Variants in TUBAL3 observed in about 807,000 individuals in gnomAD.
TUBAL3 encodes the protein tubulin alpha chain-like 3.
Under a neutral mutation model 15.5 loss-of-function variants are expected in TUBAL3, and 16 were observed. That is an observed-to-expected ratio of 1.04 (90% CI 0.70 to 1.57). TUBAL3 has a LOEUF of 1.57. TUBAL3 is among the 40% of genes most tolerant of loss of function. The pLI, the probability that TUBAL3 is intolerant of heterozygous loss-of-function variation, is 0.00. For synonymous variants in TUBAL3, 238 were observed against 224.3 expected (o/e 1.06, Z -0.55); for missense variants, 609 against 576.2 (o/e 1.06, Z -0.58).
At chr10:5,403,971 G>C (rs782677733) in intron 1 of TUBAL3, among the ~76,000 whole-genome samples, 1 of 152,208 alleles carries the variant, frequency 6.6e-6, no homozygotes, top group Admixed American at 6.5e-5. Flanking sequence ...CCTTGCATCC[G>C]TTACCCATTT....
chr10:5,399,895 C>G (rs1831824123), intron 2 of TUBAL3, among the ~76,000 whole-genome samples: 1 of 152,214 alleles, frequency 6.6e-6, no homozygotes, highest in South Asian at 2.1e-4. Context: ...GATTCATGAA[C>G]AAACCAGCAA....
rs1831752182 is a variant in TUBAL3 at position 5,395,562 on chromosome 10, A to G, written c.248-87T>C. 3 of 1,299,110 alleles carry G rather than the reference A, an allele frequency of 2.3e-6. No individual in the cohort carries two copies. The highest frequency in any genetic ancestry group is 2.8e-5 in the East Asian group (1 of 35,932). 80.5% of individuals were successfully genotyped at this position (1,299,110 alleles called of 1,614,324 possible). A position where few individuals can be genotyped will look rare whatever the true frequency, so the allele number is the denominator to read the frequency against. On this transcript the variant is annotated intron_variant, in intron 2 of 3. Coordinates refer to ENST00000380419, the MANE Select transcript of TUBAL3 (RefSeq NM_024803.3). This position sits in a 1 kb window ranked among gnomAD's most constrained non-coding sequence, Gnocchi z 4.6. ...GCTAGTCCTCCTGGAGCCTCCCCGT[A>G]CTTGACTCCCATGCTTTCTCTCAAT...
At position 5,395,201 on chromosome 10, in the gene TUBAL3, C is replaced by T; in HGVS notation, c.396+126G>A. 2.8e-6 allele frequency: 3 copies of T among 1,076,200 alleles called. No homozygotes were observed. In the South Asian group the frequency reaches 7.0e-5, roughly 25 times the overall value. The allele number at this position is 1,076,200 out of a possible 1,614,324, so 66.7% of individuals were successfully genotyped here. A position where few individuals can be genotyped will look rare whatever the true frequency, so the allele number is the denominator to read the frequency against. ...AGAACCCCTCCCCAGTTCTGAGCAC[C>T]CAGACCAGAGCCCAGGGAGAGACGG... On this transcript the variant is annotated intron_variant, in intron 3 of 3. Transcript: ENST00000380419. This position sits in a 1 kb window ranked among gnomAD's most constrained non-coding sequence, Gnocchi z 4.6.
chr10:5,393,621 G>T lies in TUBAL3; in HGVS notation c.1237C>A (p.His413Asn). ...DLMYAKRAFL[H>N]WYLREGMEEA... Reference sequence around the variant, plus strand: ...TCCATGCCTTCTCTGAGGTACCAGTGCAGAAATGCTCTCTTGGCGTACATG... The same window carrying T: ...TCCATGCCTTCTCTGAGGTACCAGTTCAGAAATGCTCTCTTGGCGTACATG... The change falls in exon 4 of 4, where the codon CAC becomes AAC. Residue 413 changes from histidine to asparagine, a missense_variant. His to Asn is a moderately conservative substitution (Grantham distance 68). Coordinates refer to ENST00000380419, the MANE Select transcript of TUBAL3 (RefSeq NM_024803.3). 2 of 1,614,180 alleles carry T rather than the reference G, an allele frequency of 1.2e-6. No homozygotes were observed. Among genetic ancestry groups the T allele is most frequent in the Middle Eastern group, 1.6e-4 (1 of 6,062 alleles).
At chr10:5,398,950 G>T (rs1161165909) in intron 2 of TUBAL3, among the ~76,000 whole-genome samples, 2 of 151,966 alleles carry the variant, frequency 1.3e-5, no homozygotes, top group East Asian at 1.9e-4. Context: ...TCATATACTG[G>T]CAATTTTATA....
chr10:5,393,718 C>T lies in TUBAL3; in HGVS notation c.1140G>A (p.Arg380=), dbSNP rs781840658. The T allele has an allele frequency of 1.2e-6, 2 of 1,614,212 alleles. No individual in the cohort carries two copies. Among genetic ancestry groups the T allele is most frequent in the Non-Finnish European group, 8.5e-7 (1 of 1,180,042 alleles). ...MPGGDLAKVH[R]SICMLSNTTA... ...TGGTGTTGCTCAGCATGCAGATGGA[C>T]CGGTGGACTTTGGCCAGGTCCCCAC... The change falls in exon 4 of 4, where the codon CGG becomes CGA. Residue 380 remains arginine, a synonymous_variant. Coordinates refer to ENST00000380419, the MANE Select transcript of TUBAL3 (RefSeq NM_024803.3).
chr10:5,394,015 G>A lies in TUBAL3; in HGVS notation c.843C>T (p.Pro281=). The A allele has an allele frequency of 6.2e-7, 1 of 1,614,168 alleles. No individual in the cohort carries two copies. The highest frequency in any genetic ancestry group is 1.3e-5 in the African/African-American group (1 of 75,032). Residue 281 remains proline (P), a synonymous_variant, in exon 4 of 4, where the codon CCC becomes CCT. Transcript: ENST00000380419. This position sits in a 1 kb window ranked among gnomAD's most constrained non-coding sequence, Gnocchi z 4.3. ...RIHFPMTAFA[P]IVSADKAYHE... is the part of the protein sequence containing the mutation. ...GGTAGGCTTTGTCAGCAGAGACGAT[G>A]GGGGCGAAGGCTGTCATGGGGAAAT...
At chr10:5,400,255 C>T (rs1390969214) in intron 2 of TUBAL3, among the ~76,000 whole-genome samples, 5 of 152,160 alleles carry the variant, frequency 3.3e-5, no homozygotes, top group African/African-American at 4.8e-5. Context: ...GGCTCTCAAA[C>T]CCAGGAAAAG....
Position 5,393,940 on chromosome 10 carries a change from G to A in TUBAL3, c.918C>T (p.Ser306=), listed in dbSNP as rs782444674. The A allele has an allele frequency of 3.7e-6, 6 of 1,614,218 alleles. No individual in the cohort carries two copies. In the South Asian group the frequency reaches 5.5e-5, roughly 15 times the overall value. The change falls in exon 4 of 4, where the codon TCC becomes TCT. Residue 306 remains serine (S), a synonymous_variant. Coordinates refer to ENST00000380419, the MANE Select transcript of TUBAL3 (RefSeq NM_024803.3). ...SDITTACFES[S]NQLVKCDPRL... ...GAGGATCACACTTGACCAGCTGGTT[G>A]GAGGACTCAAAGCAGGCAGTGGTGA...
At position 5,394,151 on chromosome 10, in the gene TUBAL3, C is replaced by CTAT; in HGVS notation, c.704_706dup (p.Asn235dup). The CTAT allele has an allele frequency of 6.2e-7, 1 of 1,614,236 alleles. No individual in the cohort carries two copies. Among genetic ancestry groups the CTAT allele is most frequent in the East Asian group, 2.2e-5 (1 of 44,892 alleles). ...GGAAGATACCACCTGAACCACCAATCTATTGATGCTGGCATGAGAGGGGCA... is the reference window on the plus strand; with the variant it reads ...GGAAGATACCACCTGAACCACCAATCTATTATTGATGCTGGCATGAGAGGGGCA... On this transcript the variant is annotated inframe_insertion, in exon 4 of 4. Coordinates refer to ENST00000380419, the MANE Select transcript of TUBAL3 (RefSeq NM_024803.3). The surrounding 1 kb of genome is among the most constrained non-coding windows in gnomAD (Gnocchi z 4.3).
chr10:5,395,886 A>G lies in TUBAL3; in HGVS notation c.248-411T>C, dbSNP rs1269801050. ...CTCTCCTGGCACCGGGTGACTTACA[A>G]TTCTTAGCTCTCCTTGGCTTCTAGC... On this transcript the variant is annotated intron_variant, in intron 2 of 3. Coordinates refer to ENST00000380419, the MANE Select transcript of TUBAL3 (RefSeq NM_024803.3). This position sits in a 1 kb window ranked among gnomAD's most constrained non-coding sequence, Gnocchi z 4.6. Among the ~76,000 whole-genome samples, 2 of 151,950 alleles carry G rather than the reference A, an allele frequency of 1.3e-5. No individual in the cohort carries two copies. The highest frequency in any genetic ancestry group is 6.6e-5 in the Admixed American group (1 of 15,266).
rs1345252730 is a variant in TUBAL3, at chr10:5,397,726, G to A, written c.248-2251C>T. On this transcript the variant is annotated intron_variant, in intron 2 of 3. Coordinates refer to ENST00000380419, the MANE Select transcript of TUBAL3 (RefSeq NM_024803.3). The surrounding 1 kb of genome is among the most constrained non-coding windows in gnomAD (Gnocchi z 4.9). The stretch of plus-strand genomic sequence containing the variant: ...ATGGCTCCTTAGCTTCCTTAACTAC[G>A]GTGTCAGTCAGCTGCATTCCACTTC... 4.6e-5 allele frequency among the ~76,000 whole-genome samples: 7 copies of A among 151,988 alleles called. No homozygotes were observed. The East Asian group carries it at 5.8e-4, about 13-fold the overall frequency.
chr10:5,393,809 A>C lies in TUBAL3; in HGVS notation c.1049T>G (p.Phe350Cys). The C allele has an allele frequency of 6.2e-7, 1 of 1,614,184 alleles. No homozygotes were observed. The highest frequency in any genetic ancestry group is 8.5e-7 in the Non-Finnish European group (1 of 1,180,028). The change falls in exon 4 of 4, where the codon TTT (phenylalanine) becomes TGT (cysteine). Residue 350 changes from phenylalanine (F) to cysteine (C), a missense_variant. Physicochemically the swap from Phe to Cys is radical, Grantham distance 205 (BLOSUM62 -2). Coordinates refer to ENST00000380419, the MANE Select transcript of TUBAL3 (RefSeq NM_024803.3). The stretch of plus-strand genomic sequence containing the variant: ...GAAACCAGTTGGACACCAATCTACA[A>C]ACTGAACAGAGTGCCTCGACTTCGT... ...AATKSRHSVQ[F>C]VDWCPTGFKV...
Position 5,394,607 on chromosome 10 carries a change from A to G in TUBAL3, c.397-146T>C. ...TGCCTTTGTTAACTCCACAACAAAC[A>G]TAGCTACTTTGAAATACTCTCAAGG... On this transcript the variant is annotated intron_variant, in intron 3 of 3. Coordinates refer to ENST00000380419, the MANE Select transcript of TUBAL3 (RefSeq NM_024803.3). The surrounding 1 kb of genome is among the most constrained non-coding windows in gnomAD (Gnocchi z 4.3). The G allele has an allele frequency of 1.4e-6, 1 of 699,472 alleles. No homozygotes were observed. Among genetic ancestry groups the G allele is most frequent in the Non-Finnish European group, 2.3e-6 (1 of 430,442 alleles). The allele number at this position is 699,472 out of a possible 1,614,324, so 43.3% of individuals were successfully genotyped here.
rs1554814227 is a variant in TUBAL3 at position 5,397,169 on chromosome 10, G to T, written c.248-1694C>A. On this transcript the variant is annotated intron_variant, in intron 2 of 3. Coordinates refer to ENST00000380419, the MANE Select transcript of TUBAL3 (RefSeq NM_024803.3). The surrounding 1 kb of genome is among the most constrained non-coding windows in gnomAD (Gnocchi z 4.9). ...CCAGTCCTAGAAGCTCACAGCCTAA[G>T]GAGAAATGCATTGTGTTTCTGTTTA... Among the ~76,000 whole-genome samples, 1 of 152,198 alleles carries T rather than the reference G, an allele frequency of 6.6e-6. No individual in the cohort carries two copies. The highest frequency in any genetic ancestry group is 1.9e-4 in the East Asian group (1 of 5,192).
chr10:5,401,145 T>C, intron 1 of TUBAL3, 58 bp from the exon 2 acceptor site: 1 of 1,594,316 alleles, frequency 6.3e-7, no homozygotes, highest in Non-Finnish European at 8.5e-7. Context: ...AGGAGATCTG[T>C]TACTCAGCCC....
chr10:5,395,615 A>G lies in TUBAL3; in HGVS notation c.248-140T>C, dbSNP rs1831752881. 1 of 958,918 alleles carries G rather than the reference A, an allele frequency of 1.0e-6. No individual in the cohort carries two copies. Among genetic ancestry groups the G allele is most frequent in the African/African-American group, 1.7e-5 (1 of 59,370 alleles). 59.4% of individuals were successfully genotyped at this position (958,918 alleles called of 1,614,324 possible). A position where few individuals can be genotyped will look rare whatever the true frequency, so the allele number is the denominator to read the frequency against. On this transcript the variant is annotated intron_variant, in intron 2 of 3. Transcript: ENST00000380419. The surrounding 1 kb of genome is among the most constrained non-coding windows in gnomAD (Gnocchi z 4.6). Reference sequence around the variant, plus strand: ...TGTGGTCCAGGAATGGAATTTAGATAGTGCTGAATTAGCCCGTCTTAGTCC... The same window carrying G: ...TGTGGTCCAGGAATGGAATTTAGATGGTGCTGAATTAGCCCGTCTTAGTCC...
At chr10:5,404,121 A>G (rs200338095) in intron 1 of TUBAL3, among the ~76,000 whole-genome samples, 1 of 152,246 alleles carries the variant, frequency 6.6e-6, no homozygotes, top group Non-Finnish European at 1.5e-5. Context: ...ACAATTTAAA[A>G]TTTTTTAAAT....
At position 5,394,770 on chromosome 10, in the gene TUBAL3, C is replaced by T. The variant is rs1203756726; in HGVS notation, c.397-309G>A. Among the ~76,000 whole-genome samples, 13 of 152,148 alleles carry T rather than the reference C, an allele frequency of 8.5e-5. 1 individual carries two copies. The highest frequency in any genetic ancestry group is 2.4e-4 in the African/African-American group (10 of 41,418). ...CCTTCATCAATAACAAAGAAAATGA[C>T]AAAACACTGAAGCAAAATAACATTC... On this transcript the variant is annotated intron_variant, in intron 3 of 3. Coordinates refer to ENST00000380419, the MANE Select transcript of TUBAL3 (RefSeq NM_024803.3). This position sits in a 1 kb window ranked among gnomAD's most constrained non-coding sequence, Gnocchi z 4.3.
Sources: gnomAD v4.1 joint callset for allele counts (sites outside exome capture counted in the v4.1 genomes callset) on GRCh38, gnomAD v4.1.1 for gene constraint, Gnocchi (gnomAD v3.1) non-coding constraint, MANE v1.5 for transcripts, NCBI Gene and HGNC (gene_info 2026-07-23, HGNC 2026-07-21) for gene names.